Variants in CORO2B observed in about 807,000 individuals in gnomAD.
CORO2B encodes coronin 2B, also known as coronin-2B.
Under a neutral mutation model 58.8 loss-of-function variants are expected in CORO2B, and 26 were observed. The observed-to-expected ratio is 0.44, with a 90% CI of 0.32 to 0.61. The LOEUF is 0.61. CORO2B is among the 20% of genes least tolerant of loss of function. The pLI, the probability that CORO2B is intolerant of heterozygous loss-of-function variation, is 0.04. For missense variants in CORO2B, 460 were observed against 645.1 expected (o/e 0.71, Z 3.11); for synonymous variants, 242 against 253.8 (o/e 0.95, Z 0.44).
chr15:68,545,771 G>A, the CORO2B span, among the ~76,000 whole-genome samples: 1 of 152,186 alleles, frequency 6.6e-6, no homozygotes, highest in Admixed American at 6.5e-5. Flanking sequence ...GGGTAAATGA[G>A]GCATGCCTGG....
At chr15:68,542,330 C>A in the CORO2B span, among the ~76,000 whole-genome samples, 1 of 152,260 alleles carries the variant, frequency 6.6e-6, no homozygotes, top group African/African-American at 2.4e-5. Context: ...CTTCAAACTT[C>A]TTTCCCTACA....
In CORO2B at chr15:68,651,577, A is replaced by G. The variant is rs904830151; in HGVS notation, c.216+6217A>G. 2.6e-5 allele frequency among the ~76,000 whole-genome samples: 4 copies of G among 152,376 alleles called. No homozygotes were observed. The South Asian group carries it at 8.3e-4, about 32-fold the overall frequency. ...TCACTTGGAGCGTTAGTTATAAGCT[A>G]TTAATTCATGGTGGGACAGTCTTGT... On this transcript the variant is annotated intron_variant, in intron 2 of 11. Coordinates refer to ENST00000261861, the MANE Select transcript of CORO2B (RefSeq NM_006091.5).
chr15:68,688,062 T>C (rs542255043), intron 2 of CORO2B, among the ~76,000 whole-genome samples: 23 of 152,214 alleles, frequency 1.5e-4, no homozygotes, highest in Admixed American at 9.8e-4. Context: ...AACAAATACA[T>C]TGATGTTGCA....
intron 3 of CORO2B, among the ~76,000 whole-genome samples, chr15:68,699,727 AC>A (rs1281820834): frequency 6.6e-6 from 1 of 152,090 alleles, no homozygotes; most frequent in Non-Finnish European, 1.5e-5. Flanking sequence ...CTCCTGGAGG[AC>A]GTGCTCTGGG....
intron 1 of CORO2B, among the ~76,000 whole-genome samples, chr15:68,594,125 G>A (rs80211336): frequency 0.019 from 2,938 of 152,218 alleles, 43 homozygotes; most frequent in Non-Finnish European, 0.028. Flanking sequence ...AAACAAAAGG[G>A]GTGTTTGGGG....
At chr15:68,559,560 G>T in the CORO2B span, 1 of 985,004 alleles carries the variant, frequency 1.0e-6, no homozygotes, top group Non-Finnish European at 1.2e-6. This position sits in a 1 kb window ranked among gnomAD's most constrained non-coding sequence, Gnocchi z 4.3. Context: ...AAGCCGGCCC[G>T]CTGGAAGAGC....
intron 1 of CORO2B, among the ~76,000 whole-genome samples, chr15:68,594,060 G>A (rs1236976658): frequency 2.0e-5 from 3 of 152,172 alleles, no homozygotes; most frequent in Non-Finnish European, 4.4e-5. Context: ...GCAATGGGGA[G>A]CTGTTGAGTG....
At chr15:68,545,611 G>GGGGGGGGGGAAAA in the CORO2B span, among the ~76,000 whole-genome samples, 1 of 69,328 alleles carries the variant, frequency 1.4e-5, no homozygotes, top group African/African-American at 5.6e-5. Flanking sequence ...AATGCGGGGG[G>GGGGGGGGGGAAAA]CGGGGGGGGT....
chr15:68,627,041 G>A (rs1160464976), intron 1 of CORO2B, among the ~76,000 whole-genome samples: 2 of 152,184 alleles, frequency 1.3e-5, no homozygotes, highest in African/African-American at 4.8e-5. Context: ...GGGATCCTTA[G>A]CAAGGTACTT....
the CORO2B span, among the ~76,000 whole-genome samples, chr15:68,522,463 T>C: frequency 3.2e-4 from 48 of 152,276 alleles, no homozygotes; most frequent in African/African-American, 7.5e-4. Flanking sequence ...TTCTTTCTTT[T>C]TTTTGAGATG....
intron 2 of CORO2B, among the ~76,000 whole-genome samples, chr15:68,652,047 T>C (rs764275071): frequency 6.6e-6 from 1 of 152,168 alleles, no homozygotes; most frequent in Non-Finnish European, 1.5e-5. Flanking sequence ...CACCTCACAC[T>C]TGGGGAAGCT....
intron 1 of CORO2B, among the ~76,000 whole-genome samples, chr15:68,598,775 G>A (rs1048172947): frequency 6.6e-6 from 1 of 152,174 alleles, no homozygotes; most frequent in African/African-American, 2.4e-5. Flanking sequence ...TAGAAATCTG[G>A]GGGTTTGTAC....
At chr15:68,723,699 A>C (rs1300215759) in intron 11 of CORO2B, among the ~76,000 whole-genome samples, 1 of 151,724 alleles carries the variant, frequency 6.6e-6, no homozygotes, top group East Asian at 1.9e-4. Flanking sequence ...TGATCCACCC[A>C]CCTTGGCCTC....
chr15:68,601,068 G>T (rs968764478), intron 1 of CORO2B, among the ~76,000 whole-genome samples: 1 of 152,208 alleles, frequency 6.6e-6, no homozygotes, highest in African/African-American at 2.4e-5. Flanking sequence ...TGCCTCCCTC[G>T]ATGGGGATGG....
chr15:68,655,018 G>A (rs746462968), intron 2 of CORO2B, among the ~76,000 whole-genome samples: 2 of 152,200 alleles, frequency 1.3e-5, no homozygotes, highest in Non-Finnish European at 2.9e-5. Flanking sequence ...AGGTGGCCAT[G>A]CCAGGCTGGG....
intron 3 of CORO2B, among the ~76,000 whole-genome samples, chr15:68,700,738 A>G (rs1316388332): frequency 6.6e-6 from 1 of 152,202 alleles, no homozygotes. Flanking sequence ...GGCAGGCGGC[A>G]GGGAAGGGCG....
At chr15:68,537,199 C>T in the CORO2B span, among the ~76,000 whole-genome samples, 3 of 152,142 alleles carry the variant, frequency 2.0e-5, no homozygotes, top group Non-Finnish European at 4.4e-5. Context: ...TGCTGGATTA[C>T]CTGTTGTCAA....
chr15:68,559,246 A>G, the CORO2B span, among the ~76,000 whole-genome samples: 1 of 152,214 alleles, frequency 6.6e-6, no homozygotes, highest in Non-Finnish European at 1.5e-5. The surrounding 1 kb of genome is among the most constrained non-coding windows in gnomAD (Gnocchi z 4.3). Context: ...TTTGTTTTGC[A>G]AAGAGCATTT....
At chr15:68,588,267 G>A (rs890002929) in intron 1 of CORO2B, among the ~76,000 whole-genome samples, 1 of 152,206 alleles carries the variant, frequency 6.6e-6, no homozygotes, top group African/African-American at 2.4e-5. Context: ...GTGGGTGGAA[G>A]AGAAAAGTTC....
Sources: allele counts gnomAD v4.1 joint callset (sites outside exome capture counted in the v4.1 genomes callset), GRCh38; gene constraint gnomAD v4.1.1; non-coding constraint Gnocchi (gnomAD v3.1); transcripts MANE v1.5; gene names NCBI Gene and HGNC (gene_info 2026-07-23, HGNC 2026-07-21).